Variants in INAVA observed in about 807,000 individuals in gnomAD.
INAVA encodes innate immunity activator protein.
In INAVA, 32 loss-of-function variants were observed where a neutral mutation model predicts 55.3. The ratio of observed to expected loss-of-function variants is 0.58; its 90% CI spans 0.44 to 0.78. INAVA has a LOEUF of 0.78. Among genes scored for constraint, INAVA ranks in the 30% least tolerant of loss-of-function variants. INAVA has a pLI of 0.00. For synonymous variants in INAVA, 294 were observed against 329.4 expected (o/e 0.89, Z 1.16); for missense variants, 756 against 786.4 (o/e 0.96, Z 0.46).
At position 200,908,716 on chromosome 1, in the gene INAVA, T is replaced by G; in HGVS notation, c.575-14T>G. On this transcript the variant is annotated splice_polypyrimidine_tract_variant and intron_variant, in intron 6 of 9. Transcript: ENST00000413687. ...CCAGCCTCTGGCCTTACCAGGTTTCTTTTACTCCTGCAGAGGAATCCCAAG... is the reference window on the plus strand; with the variant it reads ...CCAGCCTCTGGCCTTACCAGGTTTCGTTTACTCCTGCAGAGGAATCCCAAG... The G allele has an allele frequency of 6.5e-7, 1 of 1,538,450 alleles. No homozygotes were observed. The highest frequency in any genetic ancestry group is 8.7e-7 in the Non-Finnish European group (1 of 1,143,778).
chr1:200,901,322 G>T lies in INAVA; in HGVS notation c.520+163G>T, dbSNP rs188556941. ...CCTGATTCTCTCCAACTCCAGCAAGGCTTCCCCATCCTGTGAGGTCTTCTT... is the reference window on the plus strand; with the variant it reads ...CCTGATTCTCTCCAACTCCAGCAAGTCTTCCCCATCCTGTGAGGTCTTCTT... On this transcript the variant is annotated intron_variant, in intron 5 of 9. Coordinates refer to ENST00000413687, the MANE Select transcript of INAVA (RefSeq NM_001142569.3). 3.4e-4 allele frequency among the ~76,000 whole-genome samples: 52 copies of T among 152,342 alleles called. No homozygotes were observed. The East Asian group carries it at 8.5e-3, about 25-fold the overall frequency.
In INAVA at chr1:200,909,296, C is replaced by T. The variant is rs765239056; in HGVS notation, c.858C>T (p.His286=). The change falls in exon 8 of 10, where the codon CAC becomes CAT. Residue 286 remains histidine (H), a synonymous_variant. Coordinates refer to ENST00000413687, the MANE Select transcript of INAVA (RefSeq NM_001142569.3). ...SLWLLEPASY[H]VVPIRGVPGQ... ...GGCTTCTGGAGCCTGCCTCCTACCA[C>T]GTGGTTCCCATCCGTGGTGTTCCTG... 9 of 1,612,200 alleles carry T rather than the reference C, an allele frequency of 5.6e-6. No individual in the cohort carries two copies. The East Asian group carries it at 6.7e-5, about 12-fold the overall frequency.
At chr1:200,898,871 TG>T (rs200174016) in intron 2 of INAVA, among the ~76,000 whole-genome samples, 4,551 of 152,052 alleles carry the variant, frequency 0.03, 105 homozygotes, top group Non-Finnish European at 0.047. Flanking sequence ...CCCAGCTATG[TG>T]GGAGGCTGAG....
At chr1:200,909,144 T>C in intron 7 of INAVA, 80 bp from the exon 8 acceptor site, 4 of 1,445,110 alleles carry the variant, frequency 2.8e-6, no homozygotes, top group Non-Finnish European at 3.7e-6. Context: ...CCCCTTCCAC[T>C]GCATCCCCAT....
upstream of INAVA, chr1:200,891,696 G>A: frequency 6.8e-7 from 1 of 1,468,388 alleles, no homozygotes; most frequent in Non-Finnish European, 9.0e-7. Flanking sequence ...GAGCTCCATG[G>A]GACAGGTAAG....
At chr1:200,901,779 C>T (rs1653265674) in intron 5 of INAVA, among the ~76,000 whole-genome samples, 1 of 152,184 alleles carries the variant, frequency 6.6e-6, no homozygotes, top group African/African-American at 2.4e-5. Flanking sequence ...TGTCTGTTCT[C>T]TGCCCTCCTT....
Position 200,900,938 on chromosome 1 carries a change from AC to A in INAVA, c.304del (p.Leu102Ter), listed in dbSNP as rs1653221294. The A allele has an allele frequency of 6.5e-7, 1 of 1,541,604 alleles. No homozygotes were observed. Among genetic ancestry groups the A allele is most frequent in the Admixed American group, 2.0e-5 (1 of 50,242 alleles). On this transcript the variant is annotated frameshift_variant and splice_region_variant, in exon 5 of 10. Coordinates refer to ENST00000413687, the MANE Select transcript of INAVA (RefSeq NM_001142569.3). LOFTEE classifies it high-confidence loss of function. ...CCTCACTCCTGCCCCCTCTCTCAGG[AC>A]CCCCTAAGCAGCCTGGAGCGCCAGC... Reference protein sequence around the residue: ...KLDDWALHREDPLSSLERQLA... With the variant: ...KLDDWALHREXPLSSLERQLA...
chr1:200,894,029 G>A (rs188182179), upstream of INAVA, among the ~76,000 whole-genome samples: 5 of 152,298 alleles, frequency 3.3e-5, no homozygotes, highest in East Asian at 7.7e-4. Flanking sequence ...AACAGTCAGC[G>A]TTAGCTCTGC....
chr1:200,911,382 C>A, intron 8 of INAVA, 71 bp from the exon 9 acceptor site: 3 of 1,424,352 alleles, frequency 2.1e-6, no homozygotes, highest in Non-Finnish European at 2.9e-6. Flanking sequence ...GTTTTAACTC[C>A]ACCTCCCGCC....
intron 2 of INAVA, among the ~76,000 whole-genome samples, 199 bp downstream of exon 2, chr1:200,898,654 G>A (rs533981651): frequency 1.5e-4 from 23 of 152,298 alleles, no homozygotes; most frequent in South Asian, 8.3e-4. Flanking sequence ...AGGGACATGT[G>A]GAGTTTTCCT....
upstream of INAVA, chr1:200,891,575 C>CGGGGAGGGCAGGCCGCAGGGAGGCTCGG (rs1558224403): frequency 6.3e-7 from 1 of 1,596,022 alleles, no homozygotes; most frequent in African/African-American, 1.4e-5. Flanking sequence ...GAAATACCTC[C>CGGGGAGGGCAGGCCGCAGGGAGGCTCGG]GGGGAGGGCA....
intron 3 of INAVA, 144 bp downstream of exon 3, chr1:200,899,741 C>G: frequency 8.1e-7 from 1 of 1,234,382 alleles, no homozygotes; most frequent in South Asian, 1.5e-5. Flanking sequence ...CCCAGAGTCC[C>G]CATGATGCAG....
At chr1:200,897,915 C>T (rs1330873304) in intron 1 of INAVA, among the ~76,000 whole-genome samples, 1 of 152,188 alleles carries the variant, frequency 6.6e-6, no homozygotes, top group African/African-American at 2.4e-5. Flanking sequence ...AGCCACCATG[C>T]TGGGCTTCCT....
At chr1:200,906,136 A>G (rs1653479167) in intron 5 of INAVA, 1 of 152,240 alleles carries the variant, frequency 6.6e-6, no homozygotes, top group Non-Finnish European at 1.5e-5. Flanking sequence ...AAACATTAGC[A>G]ATTATTACTT....
chr1:200,908,974 A>T, intron 7 of INAVA, 34 bp downstream of exon 7: 28 of 1,591,188 alleles, frequency 1.8e-5, no homozygotes, highest in Non-Finnish European at 2.4e-5. Context: ...AGGGCAGGGC[A>T]GGGCAGGGAG....
chr1:200,894,408 C>T (rs1305297933), upstream of INAVA, among the ~76,000 whole-genome samples: 2 of 152,210 alleles, frequency 1.3e-5, no homozygotes. Flanking sequence ...AGCTGCCTTG[C>T]CTGAGGTTTT....
intron 8 of INAVA, among the ~76,000 whole-genome samples, chr1:200,910,824 C>T (rs1653681357): frequency 6.6e-6 from 1 of 152,180 alleles, no homozygotes. Context: ...GCAGACACAG[C>T]CCCATACCTG....
rs1653746441 is a variant in INAVA at position 200,911,822 on chromosome 1, C to G, written c.1329C>G (p.Ser443Arg). The G allele has an allele frequency of 6.2e-7, 1 of 1,603,538 alleles. No homozygotes were observed. Among genetic ancestry groups the G allele is most frequent in the South Asian group, 1.1e-5 (1 of 90,564 alleles). ...GGCGGTACGTGGTGGTGGCTGAGAG[C>G]CCCCTGCCGCCTGGCGAGTGGGAGC... Reference protein sequence around the residue: ...PAGRYVVVAESPLPPGEWELR... With the variant: ...PAGRYVVVAERPLPPGEWELR... The change falls in exon 9 of 10, where the codon AGC (serine) becomes AGG (arginine). Residue 443 changes from serine to arginine, a missense_variant. Transcript: ENST00000413687.
chr1:200,898,978 C>CA (rs1653095402), intron 2 of INAVA, among the ~76,000 whole-genome samples: 3 of 151,946 alleles, frequency 2.0e-5, no homozygotes, highest in South Asian at 4.2e-4. Context: ...GACTCCGTCT[C>CA]AAAAAAAATA....
Sources: gnomAD v4.1 joint callset for allele counts (sites outside exome capture counted in the v4.1 genomes callset) on GRCh38, gnomAD v4.1.1 for gene constraint, MANE v1.5 for transcripts, NCBI Gene and HGNC (gene_info 2026-07-23, HGNC 2026-07-21) for gene names.